The following DNAI4 variants were observed in gnomAD, a reference collection of about 807,000 sequenced individuals.
The protein encoded by DNAI4 is dynein axonemal intermediate chain 4, also known as WD repeat domain 78.
Under a neutral mutation model 105.8 loss-of-function variants are expected in DNAI4, and 85 were observed. The observed-to-expected ratio is 0.80, with a 90% CI of 0.67 to 0.96. DNAI4 has a LOEUF of 0.96. DNAI4 is among the 40% of genes least tolerant of loss of function. The pLI is 0.00. For synonymous variants in DNAI4, 352 were observed against 331.5 expected (o/e 1.06, Z -0.67); for missense variants, 1,014 against 1,005.6 (o/e 1.01, Z -0.11).
At chr1:66,872,224 ATTTATTTATTTAT>A (rs1646862885) in intron 5 of DNAI4, among the ~76,000 whole-genome samples, 1 of 150,096 alleles carries the variant, frequency 6.7e-6, no homozygotes, top group Non-Finnish European at 1.5e-5. Flanking sequence ...TTTATTATTT[ATTTATTTATTTAT>A]TTATTTATTG....
chr1:66,833,065 G>A (rs1483398797), intron 13 of DNAI4, among the ~76,000 whole-genome samples: 1 of 152,016 alleles, frequency 6.6e-6, no homozygotes, highest in Admixed American at 6.6e-5. Context: ...GTTGTAAAGA[G>A]AATTTTTCCA....
At position 66,826,734 on chromosome 1, in the gene DNAI4, AC is replaced by A. The variant is rs1413753505; in HGVS notation, c.2339+85del. Reference sequence around the variant, plus strand: ...TTACTTCTTTTAAAGTAACTACAATACCCTCTAACTGGTGTCAAAACTATCA... The same window carrying A: ...TTACTTCTTTTAAAGTAACTACAATACCTCTAACTGGTGTCAAAACTATCA... On this transcript the variant is annotated intron_variant, in intron 15 of 16. Coordinates refer to ENST00000371026, the MANE Select transcript of DNAI4 (RefSeq NM_024763.5). 7.5e-5 allele frequency: 86 copies of A among 1,154,012 alleles called. 4 individuals carry two copies. Among genetic ancestry groups the A allele is most frequent in the South Asian group, 6.8e-4 (47 of 69,380 alleles). 71.5% of individuals were successfully genotyped at this position (1,154,012 alleles called of 1,614,324 possible).
chr1:66,911,520 G>A (rs902403774), intron 1 of DNAI4, among the ~76,000 whole-genome samples: 2 of 152,138 alleles, frequency 1.3e-5, no homozygotes, highest in Non-Finnish European at 2.9e-5. Flanking sequence ...TTGTCTTCCA[G>A]ATGACTAACC....
chr1:66,918,703 C>T (rs887781655), intron 1 of DNAI4, among the ~76,000 whole-genome samples: 1 of 152,162 alleles, frequency 6.6e-6, no homozygotes, highest in African/African-American at 2.4e-5. Context: ...GGGACCTAAC[C>T]CATCTAGGAA....
intron 13 of DNAI4, among the ~76,000 whole-genome samples, chr1:66,829,682 G>T (rs1183905661): frequency 6.6e-6 from 1 of 152,124 alleles, no homozygotes; most frequent in Non-Finnish European, 1.5e-5. Context: ...TCAGCAAAGA[G>T]AAGTAATCTT....
intron 13 of DNAI4, among the ~76,000 whole-genome samples, chr1:66,831,176 T>C (rs1045169041): frequency 3.9e-5 from 6 of 151,956 alleles, no homozygotes; most frequent in Non-Finnish European, 2.9e-5. Flanking sequence ...TTTGATTTTG[T>C]AGTTAAAAAT....
At chr1:66,819,636 T>C (rs1366714939) in intron 16 of DNAI4, among the ~76,000 whole-genome samples, 2 of 152,138 alleles carry the variant, frequency 1.3e-5, no homozygotes, top group Non-Finnish European at 2.9e-5. Flanking sequence ...CTGCAACTTA[T>C]ATTGATAGAT....
intron 8 of DNAI4, among the ~76,000 whole-genome samples, chr1:66,843,132 T>G (rs1646187970): frequency 7.3e-6 from 1 of 136,940 alleles, no homozygotes. Context: ...CCAGGGAAGC[T>G]GAGGCTACAA....
Position 66,827,908 on chromosome 1 carries a change from G to A in DNAI4, c.2016C>T (p.Asp672=). ...PGMCFAFHPK[D]TNIYLAGTEE... ...CAGTGCCAGCCAAATAGATATTTGT[G>A]TCCTACAACACAAAACATCGAAATG... Residue 672 remains aspartate (D), a splice_region_variant and synonymous_variant, in exon 14 of 17, where the codon GAC becomes GAT. Coordinates refer to ENST00000371026, the MANE Select transcript of DNAI4 (RefSeq NM_024763.5). The A allele has an allele frequency of 1.9e-6, 3 of 1,591,674 alleles. No homozygotes were observed. The highest frequency in any genetic ancestry group is 2.6e-6 in the Non-Finnish European group (3 of 1,166,458).
intron 13 of DNAI4, among the ~76,000 whole-genome samples, chr1:66,832,732 T>C (rs527990793): frequency 5.4e-4 from 83 of 152,310 alleles, no homozygotes; most frequent in African/African-American, 1.9e-3. Flanking sequence ...TATTCTATGA[T>C]GTGATTATTA....
At chr1:66,829,103 A>T (rs571720822) in intron 13 of DNAI4, among the ~76,000 whole-genome samples, 1 of 152,322 alleles carries the variant, frequency 6.6e-6, no homozygotes, top group African/African-American at 2.4e-5. Context: ...GGCTTAGTCC[A>T]AAGTATAAGA....
intron 1 of DNAI4, among the ~76,000 whole-genome samples, chr1:66,923,061 C>T (rs1463498352): frequency 6.6e-6 from 1 of 152,122 alleles, no homozygotes; most frequent in Non-Finnish European, 1.5e-5. Flanking sequence ...TATTGTCTAA[C>T]AACGTTGTAG....
At chr1:66,824,350 T>C (rs1380900188) in intron 15 of DNAI4, among the ~76,000 whole-genome samples, 1 of 151,444 alleles carries the variant, frequency 6.6e-6, no homozygotes, top group Non-Finnish European at 1.5e-5. Flanking sequence ...GTGTGATGCC[T>C]CCAGCTTTGT....
chr1:66,903,268 A>C (rs1648972959), intron 2 of DNAI4, among the ~76,000 whole-genome samples: 1 of 152,070 alleles, frequency 6.6e-6, no homozygotes, highest in Non-Finnish European at 1.5e-5. Flanking sequence ...TGTTATGTTT[A>C]TCCCTAAGTA....
chr1:66,845,793 C>T (rs1029473681), intron 8 of DNAI4, among the ~76,000 whole-genome samples: 3 of 149,230 alleles, frequency 2.0e-5, no homozygotes, highest in Non-Finnish European at 4.4e-5. Flanking sequence ...ATATGACATA[C>T]CAGAATAGGG....
chr1:66,921,935 C>G (rs1650516293), intron 1 of DNAI4, among the ~76,000 whole-genome samples: 1 of 145,786 alleles, frequency 6.9e-6, no homozygotes, highest in Admixed American at 7.0e-5. Flanking sequence ...CTCACTCTGT[C>G]GACCAGGCTG....
chr1:66,920,235 C>T (rs1392571030), intron 1 of DNAI4, among the ~76,000 whole-genome samples: 1 of 152,172 alleles, frequency 6.6e-6, no homozygotes, highest in East Asian at 1.9e-4. Context: ...AGGAATCTGG[C>T]TGGGGACGGC....
chr1:66,848,325 T>A (rs145404448), intron 7 of DNAI4: 1 of 452,966 alleles, frequency 2.2e-6, no homozygotes, highest in Non-Finnish European at 4.4e-6. Flanking sequence ...GAAAAGATCT[T>A]TTACTTTTTA....
intron 5 of DNAI4, among the ~76,000 whole-genome samples, chr1:66,873,607 G>A (rs1351562057): frequency 6.6e-6 from 1 of 152,154 alleles, no homozygotes; most frequent in Non-Finnish European, 1.5e-5. Context: ...AGAGATTTGT[G>A]TTTGCTTCTG....
Sources: allele counts gnomAD v4.1 joint callset (sites outside exome capture counted in the v4.1 genomes callset), GRCh38; gene constraint gnomAD v4.1.1; transcripts MANE v1.5; gene names NCBI Gene and HGNC (gene_info 2026-07-23, HGNC 2026-07-21).